ANKRD11: variants seen among roughly 807,000 people sequenced by gnomAD.
ANKRD11 encodes the protein ankyrin repeat domain 11.
A neutral mutation model predicts 195.7 loss-of-function variants in ANKRD11; 17 were observed. That is an observed-to-expected ratio of 0.09 (90% CI 0.06 to 0.13). The LOEUF (loss-of-function observed/expected upper bound fraction) is 0.13, where lower values mean the gene tolerates loss of function less well. Among genes scored for constraint, ANKRD11 ranks in the 10% least tolerant of loss-of-function variants. The probability of loss-of-function intolerance (pLI) is 1.00; values close to 1 mark genes in which losing one functional copy is unlikely to be tolerated. For synonymous variants in ANKRD11, 1,953 were observed against 1,528.1 expected (o/e 1.28, Z -6.49); for missense variants, 3,735 against 3,566.1 (o/e 1.05, Z -1.21).
intron 1 of ANKRD11, among the ~76,000 whole-genome samples, chr16:89,419,080 CA>C (rs562053397): frequency 1.3e-5 from 2 of 151,486 alleles, no homozygotes; most frequent in Admixed American, 1.3e-4. Flanking sequence ...ATAAAAGGTG[CA>C]AAAAAAGATA....
intron 2 of ANKRD11, among the ~76,000 whole-genome samples, chr16:89,356,911 C>T (rs556767736): frequency 5.1e-4 from 77 of 152,320 alleles, no homozygotes; most frequent in Non-Finnish European, 7.6e-4. Context: ...TGTAATCTCC[C>T]GGAGTCCCAG....
chr16:89,372,981 C>T (rs961686827), intron 2 of ANKRD11: 1 of 152,210 alleles, frequency 6.6e-6, no homozygotes, highest in South Asian at 2.1e-4. Flanking sequence ...CCTACATACA[C>T]CCCGAGGAAG....
At chr16:89,371,921 G>A (rs1178996203) in intron 2 of ANKRD11, among the ~76,000 whole-genome samples, 3 of 152,332 alleles carry the variant, frequency 2.0e-5, no homozygotes, top group African/African-American at 7.2e-5. Context: ...CTACTGACTG[G>A]CCTGTTACAG....
At chr16:89,310,874 G>A (rs993302978) in intron 3 of ANKRD11, among the ~76,000 whole-genome samples, 1 of 152,198 alleles carries the variant, frequency 6.6e-6, no homozygotes, top group African/African-American at 2.4e-5. Context: ...TAAAGACAGT[G>A]TTCCTCTTTC....
intron 2 of ANKRD11, among the ~76,000 whole-genome samples, chr16:89,347,583 C>T (rs2039003969): frequency 6.7e-6 from 1 of 148,884 alleles, no homozygotes. Context: ...TGCATTCCAG[C>T]CTGGGCGACA....
At position 89,286,256 on chromosome 16, in the gene ANKRD11, C is replaced by T. The variant is rs1020439365; in HGVS notation, c.745-70G>A. On this transcript the variant is annotated intron_variant, in intron 7 of 12. Coordinates refer to ENST00000301030, the MANE Select transcript of ANKRD11 (RefSeq NM_013275.6). Reference sequence around the variant, plus strand: ...AACTCCTCTACCGTTCCGCATAACACGGCAGCCCCTTCCGAGAACCCTGGG... The same window carrying T: ...AACTCCTCTACCGTTCCGCATAACATGGCAGCCCCTTCCGAGAACCCTGGG... 1.4e-4 allele frequency: 218 copies of T among 1,594,488 alleles called. 1 individual carries two copies. The highest frequency in any genetic ancestry group is 5.8e-4 in the Admixed American group (35 of 59,986).
intron 2 of ANKRD11, among the ~76,000 whole-genome samples, chr16:89,350,273 G>C (rs1208511056): frequency 6.6e-6 from 1 of 152,156 alleles, no homozygotes; most frequent in African/African-American, 2.4e-5. Context: ...GAGTCTGGCA[G>C]GTTCTTAACA....
Position 89,363,741 on chromosome 16 carries a change from G to T in ANKRD11, c.-59-46663C>A, listed in dbSNP as rs747374426. Among the ~76,000 whole-genome samples, 59 of 152,138 alleles carry T rather than the reference G, an allele frequency of 3.9e-4. 1 individual carries two copies. Among genetic ancestry groups the T allele is most frequent in the Admixed American group, 1.3e-4 (2 of 15,278 alleles). On this transcript the variant is annotated intron_variant, in intron 2 of 12. Coordinates refer to ENST00000301030, the MANE Select transcript of ANKRD11 (RefSeq NM_013275.6). ...CTCTGTGGTAGACTGGAAGAACACG[G>T]GCCTGCAGGTTCCAGTCAGGAAGTG...
intron 3 of ANKRD11, among the ~76,000 whole-genome samples, chr16:89,310,095 CTTTCTGGTA>C (rs2036526821): frequency 6.6e-6 from 1 of 152,274 alleles, no homozygotes; most frequent in African/African-American, 2.4e-5. Flanking sequence ...GGAGCTCAAT[CTTTCTGGTA>C]AGAATGAGAG....
At chr16:89,424,964 G>A (rs1372919729) in intron 1 of ANKRD11, among the ~76,000 whole-genome samples, 2 of 152,034 alleles carry the variant, frequency 1.3e-5, no homozygotes, top group Non-Finnish European at 2.9e-5. Flanking sequence ...TGGCTGTGAC[G>A]TTCTATTAAG....
intron 3 of ANKRD11, among the ~76,000 whole-genome samples, chr16:89,311,575 T>C (rs1257429252): frequency 6.6e-6 from 1 of 152,102 alleles, no homozygotes; most frequent in Non-Finnish European, 1.5e-5. Flanking sequence ...CATACAAAAA[T>C]TAACTAGAAA....
Position 89,291,083 on chromosome 16 carries a change from G to A in ANKRD11, c.327C>T (p.Tyr109=), listed in dbSNP as rs756476755. Reference sequence around the variant, plus strand: ...CCACCTGCTGGCGCTCGGAGAGGGGGTAGCCGGCTCGGATTCCAGACAGCC... The same window carrying A: ...CCACCTGCTGGCGCTCGGAGAGGGGATAGCCGGCTCGGATTCCAGACAGCC... The part of the protein sequence containing the change: ...GMGLSGIRAG[Y]PLSERQQVAL... The change falls in exon 5 of 13, where the codon TAC becomes TAT. Residue 109 remains tyrosine, a synonymous_variant. Transcript: ENST00000301030. This position sits in a 1 kb window ranked among gnomAD's most constrained non-coding sequence, Gnocchi z 5.3. 2 of 1,613,586 alleles carry A rather than the reference G, an allele frequency of 1.2e-6. No individual in the cohort carries two copies. The highest frequency in any genetic ancestry group is 1.7e-6 in the Non-Finnish European group (2 of 1,179,940).
intron 2 of ANKRD11, among the ~76,000 whole-genome samples, chr16:89,409,677 T>C (rs1000630546): frequency 2.0e-5 from 3 of 152,084 alleles, no homozygotes; most frequent in African/African-American, 7.2e-5. Context: ...CGAAAACTGG[T>C]TGTCGTGTTA....
At chr16:89,347,055 G>A (rs535016735) in intron 2 of ANKRD11, among the ~76,000 whole-genome samples, 4 of 152,144 alleles carry the variant, frequency 2.6e-5, no homozygotes, top group Non-Finnish European at 5.9e-5. Context: ...TCTGCTGGGC[G>A]AAAGGCCAGC....
intron 1 of ANKRD11, among the ~76,000 whole-genome samples, chr16:89,476,925 G>A (rs2057278418): frequency 6.6e-6 from 1 of 152,130 alleles, no homozygotes; most frequent in African/African-American, 2.4e-5. Context: ...TTTATACACG[G>A]GCACAGACTG....
chr16:89,469,939 T>C (rs1304875476), intron 1 of ANKRD11, among the ~76,000 whole-genome samples: 1 of 151,042 alleles, frequency 6.6e-6, no homozygotes, highest in Admixed American at 6.6e-5. Context: ...CGGAGCTCAC[T>C]CTGTCGCTCA....
chr16:89,395,453 C>T (rs142895069), intron 2 of ANKRD11, among the ~76,000 whole-genome samples: 6 of 152,370 alleles, frequency 3.9e-5, no homozygotes, highest in East Asian at 3.9e-4. Context: ...TGCCAGCCCA[C>T]GGCTGGGACA....
chr16:89,458,446 G>C (rs574098992), intron 1 of ANKRD11, among the ~76,000 whole-genome samples: 1 of 152,062 alleles, frequency 6.6e-6, no homozygotes, highest in Non-Finnish European at 1.5e-5. Flanking sequence ...GGATGGTCTC[G>C]ATCTCCTGAC....
intron 9 of ANKRD11, among the ~76,000 whole-genome samples, chr16:89,276,917 G>A (rs1419240180): frequency 3.9e-5 from 6 of 152,052 alleles, no homozygotes; most frequent in East Asian, 3.9e-4. Context: ...TTAGCCGGAC[G>A]TGGTGGTGGG....
Sources: allele counts gnomAD v4.1 joint callset (sites outside exome capture counted in the v4.1 genomes callset), GRCh38; gene constraint gnomAD v4.1.1; non-coding constraint Gnocchi (gnomAD v3.1); transcripts MANE v1.5; gene names NCBI Gene and HGNC (gene_info 2026-07-23, HGNC 2026-07-21).